SLC44A2: variants seen among roughly 807,000 people sequenced by gnomAD.
SLC44A2 encodes the protein choline transporter-like protein 2.
In SLC44A2, 57 loss-of-function variants were observed where a neutral mutation model predicts 90.8. The observed-to-expected ratio is 0.63, with a 90% CI of 0.51 to 0.78. The LOEUF is 0.78. SLC44A2 is among the 30% of genes least tolerant of loss of function. The pLI is 0.00. For missense variants in SLC44A2, 794 were observed against 919.7 expected (o/e 0.86, Z 1.77); for synonymous variants, 355 against 360.7 (o/e 0.98, Z 0.18).
chr19:10,609,649 G>C (rs116484284), intron 1 of SLC44A2, among the ~76,000 whole-genome samples: 1,639 of 152,116 alleles, frequency 0.011, 27 homozygotes, highest in African/African-American at 0.038. Flanking sequence ...TTTTTTTGTA[G>C]AGATAGAGTC....
At chr19:10,610,374 C>A (rs1404923662) in intron 1 of SLC44A2, among the ~76,000 whole-genome samples, 5 of 147,718 alleles carry the variant, frequency 3.4e-5, no homozygotes, top group African/African-American at 7.5e-5. Context: ...CTCAGTCACC[C>A]AGGCTGGAGT....
At chr19:10,613,924 C>T (rs2066834379) in intron 1 of SLC44A2, among the ~76,000 whole-genome samples, 1 of 151,990 alleles carries the variant, frequency 6.6e-6, no homozygotes, top group Non-Finnish European at 1.5e-5. Context: ...TGCTTCTGTC[C>T]TCCTGAGCTG....
At position 10,638,974 on chromosome 19, in the gene SLC44A2, T is replaced by G. The variant is rs368613167; in HGVS notation, c.1929+659T>G. On this transcript the variant is annotated intron_variant, in intron 20 of 21. Coordinates refer to ENST00000335757, the MANE Select transcript of SLC44A2 (RefSeq NM_020428.4). ...GCCACCACGTGTGGCTAATTTTACA[T>G]TTTTAGTAGAGACGGGGTTTCTCCA... 2.6e-3 allele frequency among the ~76,000 whole-genome samples: 401 copies of G among 152,126 alleles called. 1 individual carries two copies. Among genetic ancestry groups the G allele is most frequent in the African/African-American group, 9.2e-3 (381 of 41,448 alleles).
In SLC44A2 at chr19:10,634,970, G is replaced by T. The variant is rs947017406; in HGVS notation, c.956-4G>T. On this transcript the variant is annotated splice_region_variant and splice_polypyrimidine_tract_variant and intron_variant, in intron 11 of 21. Transcript: ENST00000335757. The stretch of plus-strand genomic sequence containing the variant: ...CCAGCCGGCTCAGCCTTTGCCCTTT[G>T]CAGTGATCATTCTGAGTATCCTTGA... 2 of 1,614,144 alleles carry T rather than the reference G, an allele frequency of 1.2e-6. No individual in the cohort carries two copies. The highest frequency in any genetic ancestry group is 1.7e-5 in the Admixed American group (1 of 60,014).
chr19:10,618,594 C>G (rs1599235297), intron 1 of SLC44A2, among the ~76,000 whole-genome samples: 1 of 151,114 alleles, frequency 6.6e-6, no homozygotes, highest in Admixed American at 6.6e-5. Context: ...ATTCTCCTGC[C>G]TCAGCCTCCC....
At chr19:10,616,355 C>A (rs1376891659) in intron 1 of SLC44A2, among the ~76,000 whole-genome samples, 3 of 151,996 alleles carry the variant, frequency 2.0e-5, no homozygotes, top group Non-Finnish European at 2.9e-5. Context: ...CTCAGGCTCG[C>A]AAGTAGCTGG....
chr19:10,643,809 C>T lies in SLC44A2; in HGVS notation c.*424C>T, dbSNP rs933961712. ...CCTGCCTGCTCCGGCCAGGACTGAACCCCTTCTCCACACCTGAACAGTTGG... is the reference window on the plus strand; with the variant it reads ...CCTGCCTGCTCCGGCCAGGACTGAATCCCTTCTCCACACCTGAACAGTTGG... On this transcript the variant is annotated 3_prime_UTR_variant, in exon 22 of 22. Transcript: ENST00000335757. 1.2e-5 allele frequency: 2 copies of T among 163,658 alleles called. No homozygotes were observed. Among genetic ancestry groups the T allele is most frequent in the Non-Finnish European group, 2.7e-5 (2 of 75,198 alleles). The allele number at this position is 163,658 out of a possible 1,614,324, so 10.1% of individuals were successfully genotyped here. A position where few individuals can be genotyped will look rare whatever the true frequency, so the allele number is the denominator to read the frequency against.
intron 4 of SLC44A2, among the ~76,000 whole-genome samples, chr19:10,628,859 C>T (rs139020684): frequency 6.6e-6 from 1 of 152,238 alleles, no homozygotes; most frequent in East Asian, 1.9e-4. Context: ...AGGATCATAA[C>T]AGTCCCACCC....
At chr19:10,616,304 C>T (rs1017370444) in intron 1 of SLC44A2, among the ~76,000 whole-genome samples, 1 of 152,098 alleles carries the variant, frequency 6.6e-6, no homozygotes, top group Non-Finnish European at 1.5e-5. Context: ...AATCTGAGCC[C>T]TCTGCAACCT....
intron 16 of SLC44A2, 110 bp from the exon 17 acceptor site, chr19:10,637,534 T>G (rs1461139848): frequency 1.0e-6 from 1 of 964,538 alleles, no homozygotes; most frequent in African/African-American, 1.6e-5. Context: ...TTTGACAGCG[T>G]GGACTCAGGA....
At position 10,635,649 on chromosome 19, in the gene SLC44A2, G is replaced by T. The variant is rs940612136; in HGVS notation, c.1233+134G>T. Reference sequence around the variant, plus strand: ...ATGTCCTGTGCTAGGTGTGGGGGAGGACGCACAGTGGGGAAGAGACTCTCT... The same window carrying T: ...ATGTCCTGTGCTAGGTGTGGGGGAGTACGCACAGTGGGGAAGAGACTCTCT... On this transcript the variant is annotated intron_variant, in intron 14 of 21. Transcript: ENST00000335757. 5.2e-6 allele frequency: 4 copies of T among 769,006 alleles called. No homozygotes were observed. The South Asian group carries it at 7.0e-5, about 13-fold the overall frequency. 47.6% of individuals were successfully genotyped at this position (769,006 alleles called of 1,614,324 possible). A position where few individuals can be genotyped will look rare whatever the true frequency, so the allele number is the denominator to read the frequency against.
At chr19:10,626,339 T>A in intron 2 of SLC44A2, 38 bp downstream of exon 2, 2 of 1,460,564 alleles carry the variant, frequency 1.4e-6, no homozygotes, top group Non-Finnish European at 1.9e-6. Flanking sequence ...TCCCCGCTAA[T>A]ACTACCCCAA....
chr19:10,612,965 G>A (rs1185257585), intron 1 of SLC44A2, among the ~76,000 whole-genome samples: 1 of 152,214 alleles, frequency 6.6e-6, no homozygotes, highest in Non-Finnish European at 1.5e-5. Context: ...CAGCTGTGTG[G>A]CCCGAGCAAG....
intron 1 of SLC44A2, among the ~76,000 whole-genome samples, chr19:10,610,914 A>G (rs2144809498): frequency 6.6e-6 from 1 of 151,578 alleles, no homozygotes; most frequent in East Asian, 1.9e-4. Flanking sequence ...TGCTGGGATT[A>G]CAGTTGTGAG....
At chr19:10,620,447 T>C (rs1383780538) in intron 1 of SLC44A2, among the ~76,000 whole-genome samples, 1 of 152,088 alleles carries the variant, frequency 6.6e-6, no homozygotes. Context: ...AGAGCAAGAC[T>C]CCATCTCCAA....
chr19:10,622,691 A>G (rs1178670708), upstream of SLC44A2, among the ~76,000 whole-genome samples: 1 of 152,018 alleles, frequency 6.6e-6, no homozygotes, highest in Non-Finnish European at 1.5e-5. Context: ...CCCTGAGGCC[A>G]GGAGTTCCAG....
At chr19:10,609,428 T>G (rs1336133553) in intron 1 of SLC44A2, among the ~76,000 whole-genome samples, 1 of 151,814 alleles carries the variant, frequency 6.6e-6, no homozygotes, top group African/African-American at 2.4e-5. Flanking sequence ...GGCTCCTGAG[T>G]AGCTGGGATT....
At chr19:10,622,575 G>A (rs955186363), upstream of SLC44A2, among the ~76,000 whole-genome samples, 3 of 151,912 alleles carry the variant, frequency 2.0e-5, no homozygotes, top group African/African-American at 7.2e-5. Flanking sequence ...GCCAGAGCAC[G>A]TGGGAGGATG....
chr19:10,603,760 G>A (rs551538662), intron 1 of SLC44A2, among the ~76,000 whole-genome samples: 3 of 152,222 alleles, frequency 2.0e-5, no homozygotes, highest in Non-Finnish European at 2.9e-5. Context: ...AGTGGCTGTG[G>A]GTGCTGTGTG....
Sources: gnomAD v4.1 joint callset for allele counts (sites outside exome capture counted in the v4.1 genomes callset) on GRCh38, gnomAD v4.1.1 for gene constraint, MANE v1.5 for transcripts, NCBI Gene and HGNC (gene_info 2026-07-23, HGNC 2026-07-21) for gene names.